Variants in SLC8A1 observed in about 807,000 individuals in gnomAD.
The protein encoded by SLC8A1 is sodium/calcium exchanger 1.
In SLC8A1, 18 loss-of-function variants were observed where a neutral mutation model predicts 68.3. That is an observed-to-expected ratio of 0.26 (90% CI 0.18 to 0.39). The LOEUF is 0.39. SLC8A1 is among the 10% of genes least tolerant of loss of function. The pLI is 1.00. For missense variants in SLC8A1, 985 were observed against 1,156.7 expected, an observed-to-expected ratio of 0.85 and a Z score of 2.15; for synonymous variants, 475 against 415.5, an observed-to-expected ratio of 1.14 and a Z score of -1.74.
At chr2:40,224,928 T>C (rs1413005550) in intron 2 of SLC8A1, among the ~76,000 whole-genome samples, 1 of 152,174 alleles carries the variant, frequency 6.6e-6, no homozygotes, top group Admixed American at 6.5e-5. Flanking sequence ...TTTTTACAAC[T>C]CCTGAAGTAG....
exon 8 of SLC8A1, chr2:40,114,004 A>G (rs995499158): frequency 6.5e-6 from 1 of 152,780 alleles, no homozygotes; most frequent in Admixed American, 6.5e-5. Context: ...ATCCCTAGTA[A>G]TTAATCAAAC....
At chr2:40,498,396 G>T (rs1265319901) in intron 1 of SLC8A1, among the ~76,000 whole-genome samples, 2 of 152,052 alleles carry the variant, frequency 1.3e-5, no homozygotes, top group Non-Finnish European at 2.9e-5. Flanking sequence ...CCAATCAGTA[G>T]TCTTTAAGGG....
At chr2:40,300,545 G>A (rs1018111823) in intron 2 of SLC8A1, among the ~76,000 whole-genome samples, 1 of 152,184 alleles carries the variant, frequency 6.6e-6, no homozygotes. Flanking sequence ...AACAAGACAT[G>A]CATGGTAAAC....
At chr2:40,393,019 A>C (rs1685816373) in intron 2 of SLC8A1, among the ~76,000 whole-genome samples, 1 of 152,104 alleles carries the variant, frequency 6.6e-6, no homozygotes, top group African/African-American at 2.4e-5. Flanking sequence ...ATGTTGTCAA[A>C]TCAATAGTGA....
intron 2 of SLC8A1, among the ~76,000 whole-genome samples, chr2:40,315,084 C>G (rs565493879): frequency 6.6e-6 from 1 of 151,896 alleles, no homozygotes; most frequent in Non-Finnish European, 1.5e-5. Context: ...AGGAGAGAAG[C>G]ATTCAGTCTT....
chr2:40,365,995 GA>G (rs112314058), intron 2 of SLC8A1, among the ~76,000 whole-genome samples: 3,852 of 149,044 alleles, frequency 0.026, 57 homozygotes, highest in Non-Finnish European at 0.036. Flanking sequence ...GACCCTGTCT[GA>G]AAAAAAAAAA....
intron 1 of SLC8A1, among the ~76,000 whole-genome samples, chr2:40,431,490 CT>C (rs1274364781): frequency 2.6e-5 from 4 of 152,016 alleles, no homozygotes; most frequent in Non-Finnish European, 5.9e-5. Context: ...CCACCATGGC[CT>C]TAAGTCCACC....
At chr2:40,232,927 C>G (rs1192030483) in intron 2 of SLC8A1, among the ~76,000 whole-genome samples, 1 of 150,662 alleles carries the variant, frequency 6.6e-6, no homozygotes, top group African/African-American at 2.4e-5. Flanking sequence ...AGGACATGAA[C>G]TCATCCTTTT....
At chr2:40,254,399 T>A (rs572628372) in intron 2 of SLC8A1, 1 of 91,342 alleles carries the variant, frequency 1.1e-5, no homozygotes, top group Admixed American at 1.6e-4. Flanking sequence ...AAATCATGCT[T>A]TTTTGTTTTT....
intron 2 of SLC8A1, among the ~76,000 whole-genome samples, chr2:40,374,458 G>A (rs1467671538): frequency 2.0e-5 from 3 of 151,850 alleles, no homozygotes; most frequent in Non-Finnish European, 4.4e-5. Flanking sequence ...GGCTATTCAG[G>A]TGTGTGTGTA....
intron 3 of SLC8A1, 94 bp downstream of exon 4, chr2:40,175,167 G>T: frequency 7.9e-7 from 1 of 1,272,656 alleles, no homozygotes; most frequent in Non-Finnish European, 1.1e-6. Context: ...AGCAAGTCAA[G>T]AGAAATAAAA....
chr2:40,243,139 A>T (rs2061423403), intron 2 of SLC8A1, among the ~76,000 whole-genome samples: 1 of 152,184 alleles, frequency 6.6e-6, no homozygotes, highest in Non-Finnish European at 1.5e-5. Flanking sequence ...TGCATGGAAT[A>T]TTAAGGAAAC....
intron 2 of SLC8A1, among the ~76,000 whole-genome samples, chr2:40,395,358 T>G (rs1187530701): frequency 6.6e-6 from 1 of 152,188 alleles, no homozygotes; most frequent in Non-Finnish European, 1.5e-5. Context: ...CACGAATTCC[T>G]GTAAACATAC....
intron 2 of SLC8A1, among the ~76,000 whole-genome samples, chr2:40,417,690 G>A (rs142972439): frequency 0.01 from 1,551 of 152,186 alleles, 12 homozygotes; most frequent in Non-Finnish European, 0.014. Flanking sequence ...TTAAACCCAG[G>A]CTAGTATGGC....
At chr2:40,252,299 T>A (rs1291187839) in intron 2 of SLC8A1, among the ~76,000 whole-genome samples, 1 of 152,112 alleles carries the variant, frequency 6.6e-6, no homozygotes, top group Non-Finnish European at 1.5e-5. Flanking sequence ...TTTGCAAATA[T>A]GTGTGCAGTT....
At chr2:40,391,520 A>T (rs1220450827) in intron 2 of SLC8A1, among the ~76,000 whole-genome samples, 1 of 152,086 alleles carries the variant, frequency 6.6e-6, no homozygotes, top group Non-Finnish European at 1.5e-5. Flanking sequence ...TCATAGAGCC[A>T]TAAGGAATTT....
upstream of SLC8A1, among the ~76,000 whole-genome samples, chr2:40,455,677 G>T (rs1236019229): frequency 6.6e-6 from 1 of 152,208 alleles, no homozygotes; most frequent in East Asian, 1.9e-4. Context: ...TTGCTGATGA[G>T]TAGATCCAGG....
intron 2 of SLC8A1, among the ~76,000 whole-genome samples, chr2:40,179,769 T>C (rs2049110637): frequency 6.6e-6 from 1 of 152,228 alleles, no homozygotes; most frequent in African/African-American, 2.4e-5. Context: ...ATTAGATCTA[T>C]GCATACTAAA....
At chr2:40,327,418 A>C (rs2075950301) in intron 2 of SLC8A1, among the ~76,000 whole-genome samples, 1 of 152,212 alleles carries the variant, frequency 6.6e-6, no homozygotes, top group African/African-American at 2.4e-5. Flanking sequence ...GTGTCAAAGG[A>C]AATAACTGTT....
Sources: gnomAD v4.1 joint callset for allele counts (sites outside exome capture counted in the v4.1 genomes callset) on GRCh38, gnomAD v4.1.1 for gene constraint, MANE v1.5 for transcripts, NCBI Gene and HGNC (gene_info 2026-07-23, HGNC 2026-07-21) for gene names.